Variants in SRGAP1 observed in about 807,000 individuals in gnomAD.
SRGAP1 encodes SLIT-ROBO Rho GTPase activating protein 1, also known as SLIT-ROBO Rho GTPase-activating protein 1.
SRGAP1 carries 43 observed loss-of-function variants against 121.9 expected under a neutral mutation model. That is an observed-to-expected ratio of 0.35 (90% CI 0.28 to 0.46). SRGAP1 has a LOEUF of 0.46. Among genes scored for constraint, SRGAP1 ranks in the 20% least tolerant of loss-of-function variants. The pLI is 1.00. For synonymous variants in SRGAP1, 447 were observed against 485.4 expected (o/e 0.92, Z 1.04); for missense variants, 1,102 against 1,350.9 (o/e 0.82, Z 2.89).
chr12:64,106,078 G>C (rs994426516), intron 15 of SRGAP1, among the ~76,000 whole-genome samples: 1 of 152,068 alleles, frequency 6.6e-6, no homozygotes, highest in Non-Finnish European at 1.5e-5. Context: ...AGAATGTGGT[G>C]GTGTGATCAT....
At chr12:64,102,588 G>A (rs995082457) in intron 15 of SRGAP1, among the ~76,000 whole-genome samples, 2 of 151,944 alleles carry the variant, frequency 1.3e-5, no homozygotes, top group African/African-American at 2.4e-5. Flanking sequence ...CACCACCCCC[G>A]GCCCTAGGCA....
intron 3 of SRGAP1, among the ~76,000 whole-genome samples, chr12:64,000,510 G>A (rs2033855166): frequency 6.6e-6 from 1 of 152,134 alleles, no homozygotes; most frequent in South Asian, 2.1e-4. Flanking sequence ...CTACTTAGGA[G>A]CCTGAAGTGG....
At position 64,086,996 on chromosome 12, in the gene SRGAP1, C is replaced by T. The variant is rs776126701; in HGVS notation, c.1409-3C>T. On this transcript the variant is annotated splice_region_variant and splice_polypyrimidine_tract_variant and intron_variant, in intron 10 of 21. Transcript: ENST00000355086. ...TTACTTACTTTAAATTTTTTTCCTG[C>T]AGGTCATAGAGCTGAATATATGACT... The T allele has an allele frequency of 3.1e-6, 5 of 1,594,430 alleles. No individual in the cohort carries two copies. In the South Asian group the frequency reaches 5.7e-5, roughly 18 times the overall value.
At position 64,158,382 on chromosome 12, in the gene SRGAP1, C is replaced by T. The variant is rs2037182009; in HGVS notation, c.*15710C>T. The T allele has an allele frequency of 6.6e-6, 1 of 152,120 alleles. No individual in the cohort carries two copies. The highest frequency in any genetic ancestry group is 2.4e-5 in the African/African-American group (1 of 41,398). The allele number at this position is 152,120 out of a possible 1,614,324, so 9.4% of individuals were successfully genotyped here. On this transcript the variant is annotated 3_prime_UTR_variant, in exon 22 of 22. Coordinates refer to ENST00000355086, the MANE Select transcript of SRGAP1 (RefSeq NM_020762.4). Reference sequence around the variant, plus strand: ...TTCAAGTATATGAAAAGTTTAAGACCCAATTGCTTTTGAAGGAGATTCATC... The same window carrying T: ...TTCAAGTATATGAAAAGTTTAAGACTCAATTGCTTTTGAAGGAGATTCATC...
chr12:64,031,317 CAAAAA>C (rs578019090), intron 4 of SRGAP1, among the ~76,000 whole-genome samples: 1 of 95,728 alleles, frequency 1.0e-5, no homozygotes. Context: ...GACTCTGTCT[CAAAAA>C]AAAAAAAAAA....
At chr12:63,853,514 GTTAA>G (rs1054174147) in intron 1 of SRGAP1, among the ~76,000 whole-genome samples, 25 of 152,254 alleles carry the variant, frequency 1.6e-4, no homozygotes, top group African/African-American at 6.0e-4. Flanking sequence ...TTATGATGTG[GTTAA>G]TTGTTTTTAT....
intron 4 of SRGAP1, among the ~76,000 whole-genome samples, chr12:64,024,318 C>T (rs1289206099): frequency 2.6e-5 from 4 of 152,144 alleles, no homozygotes; most frequent in Non-Finnish European, 4.4e-5. Flanking sequence ...ATAGTCCCAG[C>T]TGCACTGGAG....
At chr12:63,846,660 C>T (rs1281840095) in intron 1 of SRGAP1, among the ~76,000 whole-genome samples, 2 of 152,168 alleles carry the variant, frequency 1.3e-5, no homozygotes, top group African/African-American at 4.8e-5. Context: ...TTTCCTTCAA[C>T]ACTTCTTCCT....
At chr12:64,137,929 C>A (rs924356927) in intron 21 of SRGAP1, among the ~76,000 whole-genome samples, 1 of 140,502 alleles carries the variant, frequency 7.1e-6, no homozygotes, top group Non-Finnish European at 1.5e-5. Flanking sequence ...CAACACTCTG[C>A]CTTTTTCTTT....
At chr12:63,902,409 G>T (rs2136307853) in intron 1 of SRGAP1, among the ~76,000 whole-genome samples, 1 of 152,256 alleles carries the variant, frequency 6.6e-6, no homozygotes, top group African/African-American at 2.4e-5. Context: ...GAAGCTCAAA[G>T]AGATTAATCA....
At chr12:63,950,703 AAAATCTG>A (rs1421308659) in intron 1 of SRGAP1, among the ~76,000 whole-genome samples, 1 of 152,188 alleles carries the variant, frequency 6.6e-6, no homozygotes, top group Non-Finnish European at 1.5e-5. Context: ...AGGAGGTGAT[AAAATCTG>A]TATAAACCTT....
chr12:63,901,712 A>C (rs532209825), intron 1 of SRGAP1, among the ~76,000 whole-genome samples: 1 of 152,290 alleles, frequency 6.6e-6, no homozygotes, highest in Non-Finnish European at 1.5e-5. Context: ...TGGCCTCCCA[A>C]CTTTTTGAGG....
intron 4 of SRGAP1, among the ~76,000 whole-genome samples, chr12:64,029,190 T>C (rs1265866695): frequency 1.3e-5 from 2 of 152,204 alleles, no homozygotes; most frequent in Admixed American, 6.5e-5. Flanking sequence ...AGAGGAGCTA[T>C]GACTTTAAGG....
chr12:63,950,369 G>A (rs949773471), intron 1 of SRGAP1, among the ~76,000 whole-genome samples: 1 of 152,196 alleles, frequency 6.6e-6, no homozygotes, highest in South Asian at 2.1e-4. Context: ...CACCAGGAGT[G>A]TGGTTTTCTT....
intron 15 of SRGAP1, among the ~76,000 whole-genome samples, chr12:64,103,833 T>TA (rs1293732686): frequency 6.6e-6 from 1 of 152,218 alleles, no homozygotes; most frequent in Admixed American, 6.5e-5. Flanking sequence ...ATCAATGGTT[T>TA]AATTCACAGA....
Position 63,872,429 on chromosome 12 carries a change from G to A in SRGAP1, c.67+27546G>A, listed in dbSNP as rs77167120. On this transcript the variant is annotated intron_variant, in intron 1 of 21. Transcript: ENST00000355086. ...GACCCCACACTTGCCTGTGGCCACG[G>A]TCTAGTTGAAAGAGGGAAAGGATGT... Among the ~76,000 whole-genome samples, 1,357 of 152,254 alleles carry A rather than the reference G, an allele frequency of 8.9e-3. 22 individuals carry two copies. The highest frequency in any genetic ancestry group is 0.031 in the African/African-American group (1,295 of 41,544).
chr12:63,972,966 G>A (rs2032998202), intron 1 of SRGAP1, among the ~76,000 whole-genome samples: 1 of 152,072 alleles, frequency 6.6e-6, no homozygotes, highest in African/African-American at 2.4e-5. Flanking sequence ...TGGCCAACAT[G>A]ACAAACCTTG....
At chr12:64,062,609 C>T (rs1464390548) in intron 6 of SRGAP1, among the ~76,000 whole-genome samples, 1 of 152,034 alleles carries the variant, frequency 6.6e-6, no homozygotes, top group Admixed American at 6.6e-5. Context: ...CTTCAACTCC[C>T]AGGTTCAGGC....
intron 8 of SRGAP1, among the ~76,000 whole-genome samples, chr12:64,075,084 T>C (rs1309790084): frequency 5.9e-5 from 9 of 151,934 alleles, no homozygotes; most frequent in Non-Finnish European, 1.2e-4. Context: ...CACAGAAATA[T>C]AGAGGTGTGA....
Sources: gnomAD v4.1 joint callset for allele counts (sites outside exome capture counted in the v4.1 genomes callset) on GRCh38, gnomAD v4.1.1 for gene constraint, MANE v1.5 for transcripts, NCBI Gene and HGNC (gene_info 2026-07-23, HGNC 2026-07-21) for gene names.